Variants in BEST3 observed in about 807,000 individuals in gnomAD.
BEST3 encodes bestrophin-3.
A neutral mutation model predicts 47.1 loss-of-function variants in BEST3; 50 were observed. The ratio of observed to expected loss-of-function variants is 1.06; its 90% confidence interval spans 0.85 to 1.34. The LOEUF is 1.34. Ranked by LOEUF, BEST3 falls within the 40% of genes most tolerant of loss-of-function variation. The pLI is 0.00. For missense variants in BEST3, 765 were observed against 817.0 expected (o/e 0.94, Z 0.78); for synonymous variants, 282 against 298.8 (o/e 0.94, Z 0.58).
intron 2 of BEST3, among the ~76,000 whole-genome samples, chr12:69,696,183 G>A (rs1383281415): frequency 2.0e-5 from 3 of 152,030 alleles, no homozygotes; most frequent in Non-Finnish European, 4.4e-5. Flanking sequence ...TTTTAATAAG[G>A]TATTACAATT....
rs1248330385 is a variant in BEST3 at position 69,654,488 on chromosome 12, A to C, written c.*419T>G. On this transcript the variant is annotated 3_prime_UTR_variant, in exon 10 of 10. Coordinates refer to ENST00000330891, the MANE Select transcript of BEST3 (RefSeq NM_032735.3). Reference sequence around the variant, plus strand: ...ATCCATCTCCTTTCTTTATGGCTAAAGAAAAAAAGAAAGAGAAAAAAGAAG... The same window carrying C: ...ATCCATCTCCTTTCTTTATGGCTAACGAAAAAAAGAAAGAGAAAAAAGAAG... 2 of 988,578 alleles carry C rather than the reference A, an allele frequency of 2.0e-6. No individual in the cohort carries two copies. Among genetic ancestry groups the C allele is most frequent in the African/African-American group, 3.5e-5 (2 of 57,290 alleles). The allele number at this position is 988,578 out of a possible 1,614,324, so 61.2% of individuals were successfully genotyped here. A position where few individuals can be genotyped will look rare whatever the true frequency, so the allele number is the denominator to read the frequency against.
chr12:69,666,336 A>G (rs959285668), intron 9 of BEST3, among the ~76,000 whole-genome samples: 4 of 152,160 alleles, frequency 2.6e-5, no homozygotes, highest in Admixed American at 2.0e-4. Flanking sequence ...ATTTTTCTAC[A>G]ATAAAATTAT....
chr12:69,687,658 T>A (rs1885702828), intron 4 of BEST3, among the ~76,000 whole-genome samples: 1 of 64,714 alleles, frequency 1.5e-5, no homozygotes, highest in African/African-American at 5.3e-5. Flanking sequence ...AGTGAGAACG[T>A]GTCTCAAAAA....
At chr12:69,696,134 T>C (rs1003793274) in intron 2 of BEST3, among the ~76,000 whole-genome samples, 9 of 152,186 alleles carry the variant, frequency 5.9e-5, no homozygotes, top group African/African-American at 2.2e-4. Flanking sequence ...ACTCATCCTA[T>C]AGTTCTTGGT....
In BEST3 at chr12:69,685,389, A is replaced by G. The variant is rs116735881; in HGVS notation, c.482-6496T>C. On this transcript the variant is annotated intron_variant, in intron 4 of 9. Coordinates refer to ENST00000330891, the MANE Select transcript of BEST3 (RefSeq NM_032735.3). ...ATTTGCCCTGGGTAGAATAGATCTG[A>G]GGCAATTTGCAGATGAAATCGGAGG... 8.0e-3 allele frequency among the ~76,000 whole-genome samples: 1,217 copies of G among 152,314 alleles called. 18 individuals carry two copies. Among genetic ancestry groups the G allele is most frequent in the African/African-American group, 0.028 (1,152 of 41,550 alleles).
intron 3 of BEST3, 110 bp from the exon 4 acceptor site, chr12:69,694,017 A>G: frequency 1.3e-6 from 1 of 779,104 alleles, no homozygotes; most frequent in East Asian, 2.7e-5. Flanking sequence ...ACAAAAATAT[A>G]TTATTATCCA....
At chr12:69,645,164 G>T (rs1027757935) in intron 9 of BEST3, among the ~76,000 whole-genome samples, 12 of 152,124 alleles carry the variant, frequency 7.9e-5, no homozygotes, top group Non-Finnish European at 1.8e-4. Context: ...TTTTGCTCTA[G>T]TTATTTGGCA....
chr12:69,668,095 C>T lies in BEST3; in HGVS notation c.1100+3333G>A, dbSNP rs146912976. Among the ~76,000 whole-genome samples the T allele has an allele frequency of 2.6e-3, 392 of 152,254 alleles. 3 individuals carry two copies. The highest frequency in any genetic ancestry group is 7.5e-3 in the African/African-American group (313 of 41,564). On this transcript the variant is annotated intron_variant, in intron 9 of 9. Coordinates refer to ENST00000330891, the MANE Select transcript of BEST3 (RefSeq NM_032735.3). ...TGAACAGTGTGCTGAATGTGAACAG[C>T]GCTGTTGAATGTGCTGGCTGGGAGG...
intron 9 of BEST3, among the ~76,000 whole-genome samples, chr12:69,646,572 A>T (rs1883043451): frequency 6.6e-6 from 1 of 152,154 alleles, no homozygotes; most frequent in African/African-American, 2.4e-5. Context: ...AAGTGGGCAC[A>T]TGTCTCATTT....
chr12:69,678,555 C>T (rs991652443), intron 5 of BEST3, among the ~76,000 whole-genome samples, 184 bp downstream of exon 5: 1 of 152,180 alleles, frequency 6.6e-6, no homozygotes, highest in Non-Finnish European at 1.5e-5. Context: ...TTCCAAGCAA[C>T]CTGAGTTTAA....
rs770560066 is a variant in BEST3, at chr12:69,694,471, C to CA, written c.153-8dup. The CA allele has an allele frequency of 1.3e-6, 2 of 1,553,530 alleles. No homozygotes were observed. Among genetic ancestry groups the CA allele is most frequent in the African/African-American group, 1.4e-5 (1 of 72,968 alleles). On this transcript the variant is annotated splice_polypyrimidine_tract_variant and splice_region_variant and intron_variant, in intron 2 of 9. Transcript: ENST00000330891. The stretch of plus-strand genomic sequence containing the variant: ...GACTCCTGTAAGTAACAATCTGGAG[C>CA]AAAAATAAAATGCACAGCCCTTTAT...
chr12:69,662,891 A>T (rs1391809066), intron 9 of BEST3, among the ~76,000 whole-genome samples: 1 of 152,244 alleles, frequency 6.6e-6, no homozygotes, highest in Non-Finnish European at 1.5e-5. Context: ...CTTTTAGATT[A>T]GCAAGACAGT....
At chr12:69,643,758 A>G (rs989615417) in exon 10 of BEST3, 33 of 715,990 alleles carry the variant, frequency 4.6e-5, no homozygotes, top group Admixed American at 4.4e-4. Flanking sequence ...TATATCTTCC[A>G]TCTTCCACTC....
Position 69,686,198 on chromosome 12 carries a change from AC to A in BEST3, c.482-7306del, listed in dbSNP as rs200919238. Among the ~76,000 whole-genome samples the A allele has an allele frequency of 4.4e-3, 663 of 149,326 alleles. 20 individuals are homozygous for A. Among genetic ancestry groups the A allele is most frequent in the South Asian group, 0.02 (92 of 4,684 alleles). On this transcript the variant is annotated intron_variant, in intron 4 of 9. Transcript: ENST00000330891. The stretch of plus-strand genomic sequence containing the variant: ...GTAATGGATCAGGAAAAAAAAAAAA[AC>A]AAACAGCCCACCCAGGGCAGAAATG...
At chr12:69,677,644 G>C (rs932031389) in intron 5 of BEST3, among the ~76,000 whole-genome samples, 3 of 152,140 alleles carry the variant, frequency 2.0e-5, no homozygotes, top group African/African-American at 7.2e-5. Context: ...AGCTGGGCTT[G>C]GTGGCACACG....
intron 4 of BEST3, among the ~76,000 whole-genome samples, chr12:69,693,110 C>T (rs775425): frequency 0.55 from 83,214 of 151,976 alleles, 23,644 homozygotes; most frequent in East Asian, 0.73. Flanking sequence ...ACTTTCTCTC[C>T]CCCACCTCTG....
chr12:69,653,036 T>TA (rs1429382033), downstream of BEST3, among the ~76,000 whole-genome samples: 3 of 152,332 alleles, frequency 2.0e-5, no homozygotes, highest in Non-Finnish European at 1.5e-5. Context: ...AAAAGTCAGT[T>TA]AAAGTAAATG....
intron 5 of BEST3, among the ~76,000 whole-genome samples, chr12:69,678,312 G>A (rs1389740816): frequency 6.6e-6 from 1 of 152,002 alleles, no homozygotes. Context: ...GTATCTGAAA[G>A]GCTGGCTTAA....
At chr12:69,697,876 T>TA in intron 1 of BEST3, 63 bp from the exon 2 acceptor site, 1 of 1,293,540 alleles carries the variant, frequency 7.7e-7, no homozygotes, top group East Asian at 2.5e-5. Context: ...CATAAATCTG[T>TA]ATGTCTGTAT....
Sources: gnomAD v4.1 joint callset for allele counts (sites outside exome capture counted in the v4.1 genomes callset) on GRCh38, gnomAD v4.1.1 for gene constraint, MANE v1.5 for transcripts, NCBI Gene and HGNC (gene_info 2026-07-23, HGNC 2026-07-21) for gene names.